The following B3GALT1 variants were observed in gnomAD, a reference collection of about 807,000 sequenced individuals.
B3GALT1 encodes the protein UDP-Gal:betaGlcNAc beta 1,3-galactosyltransferase, polypeptide 1.
B3GALT1 carries 10 observed loss-of-function variants against 23.2 expected under a neutral mutation model. The ratio of observed to expected loss-of-function variants is 0.43; its 90% CI spans 0.27 to 0.73. The LOEUF is 0.73. Among genes scored for constraint, B3GALT1 ranks in the 30% least tolerant of loss-of-function variants. The pLI, the probability that B3GALT1 is intolerant of heterozygous loss-of-function variation, is 0.21. For missense variants in B3GALT1, 299 were observed against 405.4 expected (o/e 0.74, Z 2.25); for synonymous variants, 156 against 141.5 (o/e 1.10, Z -0.73).
chr2:167,432,560 T>G (rs1268217035), intron 1 of B3GALT1, among the ~76,000 whole-genome samples: 2 of 152,178 alleles, frequency 1.3e-5, no homozygotes, highest in African/African-American at 2.4e-5. Flanking sequence ...TAGATTGGGT[T>G]TTAAAAGAAC....
chr2:167,706,571 A>G (rs772976541), intron 3 of B3GALT1, among the ~76,000 whole-genome samples: 26 of 152,246 alleles, frequency 1.7e-4, no homozygotes, highest in Non-Finnish European at 3.1e-4. Flanking sequence ...GATGGGAATA[A>G]CAACAGACTT....
chr2:167,523,795 T>G (rs1376343849), intron 2 of B3GALT1, among the ~76,000 whole-genome samples: 2 of 152,082 alleles, frequency 1.3e-5, no homozygotes, highest in Non-Finnish European at 2.9e-5. Flanking sequence ...CACGATGTCC[T>G]GTACTTTGCT....
At chr2:167,499,200 C>T (rs1699816249) in intron 2 of B3GALT1, among the ~76,000 whole-genome samples, 1 of 152,146 alleles carries the variant, frequency 6.6e-6, no homozygotes, top group Non-Finnish European at 1.5e-5. Flanking sequence ...AAAATTCTGA[C>T]TGCGTTAGTT....
At chr2:167,345,929 A>G (rs552154142) in intron 1 of B3GALT1, among the ~76,000 whole-genome samples, 2 of 151,984 alleles carry the variant, frequency 1.3e-5, no homozygotes, top group Non-Finnish European at 1.5e-5. Context: ...GCTTTTGTCC[A>G]TTTTCACTGA....
At chr2:167,466,094 T>G (rs1321670679) in intron 1 of B3GALT1, among the ~76,000 whole-genome samples, 2 of 152,170 alleles carry the variant, frequency 1.3e-5, no homozygotes, top group East Asian at 3.8e-4. Flanking sequence ...AAATGCAACC[T>G]CATGCCTTAT....
At chr2:167,854,082 T>C (rs1689955288) in intron 4 of B3GALT1, among the ~76,000 whole-genome samples, 1 of 152,188 alleles carries the variant, frequency 6.6e-6, no homozygotes, top group South Asian at 2.1e-4. Flanking sequence ...TTATTTAGTT[T>C]ATGGTGGTTG....
rs1006061199 is a variant in B3GALT1, at chr2:167,383,456, C to T, written c.-511+90122C>T. Among the ~76,000 whole-genome samples the T allele has an allele frequency of 4.6e-5, 7 of 152,270 alleles. No individual in the cohort carries two copies. In the East Asian group the frequency reaches 5.8e-4, roughly 13 times the overall value. ...CTTGTCCAACTTTCATCCTGGATAA[C>T]GCCTACACATCCTGCAGAGGTGGTC... is the stretch of plus-strand genomic sequence containing the variant. On this transcript the variant is annotated intron_variant, in intron 1 of 4. Coordinates refer to ENST00000392690, the MANE Select transcript of B3GALT1 (RefSeq NM_020981.4).
In B3GALT1 at chr2:167,867,196, G is replaced by C. The variant is rs183748008; in HGVS notation, c.-229-1615G>C. Among the ~76,000 whole-genome samples, 800 of 152,268 alleles carry C rather than the reference G, an allele frequency of 5.3e-3. 9 individuals are homozygous for C. Among genetic ancestry groups the C allele is most frequent in the African/African-American group, 0.018 (752 of 41,548 alleles). ...CCCCCTTGGCCTCCCAAAGTGCTGG[G>C]ATTACAGGCGTGAGCCACCGCGCCC... On this transcript the variant is annotated intron_variant, in intron 4 of 4. Transcript: ENST00000392690.
chr2:167,823,319 G>A (rs1689146444), intron 4 of B3GALT1, among the ~76,000 whole-genome samples: 1 of 152,154 alleles, frequency 6.6e-6, no homozygotes, highest in African/African-American at 2.4e-5. Flanking sequence ...GTGTGTGCTT[G>A]AGTGTGTGTG....
At chr2:167,496,541 A>T (rs1033577874) in intron 2 of B3GALT1, among the ~76,000 whole-genome samples, 26 of 152,210 alleles carry the variant, frequency 1.7e-4, no homozygotes, top group African/African-American at 6.3e-4. Flanking sequence ...TTTAAACTCA[A>T]TTAGGGTAAT....
intron 1 of B3GALT1, among the ~76,000 whole-genome samples, chr2:167,321,826 G>A (rs978032064): frequency 5.3e-5 from 8 of 151,822 alleles, no homozygotes; most frequent in Non-Finnish European, 8.8e-5. Context: ...TCCCAATATG[G>A]TAATCTAAAC....
At chr2:167,730,100 T>C (rs762896370) in intron 3 of B3GALT1, among the ~76,000 whole-genome samples, 2 of 152,186 alleles carry the variant, frequency 1.3e-5, no homozygotes, top group Non-Finnish European at 2.9e-5. Context: ...AAAATAGAAC[T>C]GCCCTTTTAA....
chr2:167,633,774 TAGAC>T (rs1249614813), intron 2 of B3GALT1, among the ~76,000 whole-genome samples: 1 of 152,078 alleles, frequency 6.6e-6, no homozygotes, highest in African/African-American at 2.4e-5. Context: ...CTGTCAATAT[TAGAC>T]AGAACGACAA....
chr2:167,321,283 T>C (rs1696807058), intron 1 of B3GALT1, among the ~76,000 whole-genome samples: 1 of 152,146 alleles, frequency 6.6e-6, no homozygotes, highest in Non-Finnish European at 1.5e-5. Context: ...AGAAAATCTT[T>C]AAAAATTTTT....
At chr2:167,508,381 C>T (rs1026713202) in intron 2 of B3GALT1, among the ~76,000 whole-genome samples, 2 of 151,474 alleles carry the variant, frequency 1.3e-5, no homozygotes, top group Non-Finnish European at 2.9e-5. Context: ...GCCTCAGCTT[C>T]CCAAGTAGCT....
intron 1 of B3GALT1, among the ~76,000 whole-genome samples, chr2:167,366,855 C>T (rs1056647567): frequency 3.3e-5 from 5 of 152,202 alleles, no homozygotes; most frequent in African/African-American, 1.2e-4. Context: ...TCCTGGAGCT[C>T]TCCATGAGAC....
At chr2:167,351,285 G>GAAAAA (rs1559072531) in intron 1 of B3GALT1, among the ~76,000 whole-genome samples, 1 of 147,414 alleles carries the variant, frequency 6.8e-6, no homozygotes, top group African/African-American at 2.5e-5. Context: ...AAAAAAAAAC[G>GAAAAA]AAAACAAAAA....
chr2:167,353,438 T>C (rs1003718763), intron 1 of B3GALT1, among the ~76,000 whole-genome samples: 5 of 152,180 alleles, frequency 3.3e-5, no homozygotes, highest in Non-Finnish European at 5.9e-5. Flanking sequence ...TGGTATTTTT[T>C]TTTTCAGTAA....
At chr2:167,304,644 G>C (rs1696519296) in intron 1 of B3GALT1, among the ~76,000 whole-genome samples, 1 of 151,228 alleles carries the variant, frequency 6.6e-6, no homozygotes, top group African/African-American at 2.5e-5. Flanking sequence ...GAGAGACAGA[G>C]AGAGGAGAGA....
Sources: allele counts gnomAD v4.1 joint callset (sites outside exome capture counted in the v4.1 genomes callset), GRCh38; gene constraint gnomAD v4.1.1; transcripts MANE v1.5; gene names NCBI Gene and HGNC (gene_info 2026-07-23, HGNC 2026-07-21).